PEX10: variants seen among roughly 807,000 people sequenced by gnomAD.
PEX10 encodes the protein peroxisomal biogenesis factor 10, also known as peroxisome biogenesis factor 10.
In PEX10, 32 loss-of-function variants were observed where a neutral mutation model predicts 38.0. The ratio of observed to expected loss-of-function variants is 0.84; its 90% CI spans 0.63 to 1.13. PEX10 has a LOEUF of 1.13. PEX10 is among the 50% of genes most tolerant of loss of function. PEX10 has a pLI of 0.00. For synonymous variants in PEX10, 206 were observed against 207.3 expected, an observed-to-expected ratio of 0.99 and a Z score of 0.05; for missense variants, 483 against 457.7, an observed-to-expected ratio of 1.06 and a Z score of -0.51.
Position 2,406,744 on chromosome 1 carries a change from A to C in PEX10, c.752T>G (p.Leu251Arg). 1 of 1,609,096 alleles carries C rather than the reference A, an allele frequency of 6.2e-7. No homozygotes were observed. The highest frequency in any genetic ancestry group is 8.5e-7 in the Non-Finnish European group (1 of 1,178,422). Residue 251 changes from leucine to arginine, a missense_variant, in exon 4 of 6, where the codon CTG becomes CGG. Physicochemically the swap from Leu to Arg is moderately radical, Grantham distance 102 (BLOSUM62 -2). Transcript: ENST00000447513. ...QRQRARKEWR[L>R]HRGLSHRRAS... The stretch of plus-strand genomic sequence containing the variant: ...CCTGCGGTGAGACAGGCCGCGGTGC[A>C]GCCTCCACTCCTTCCTGGCTCGCTG...
At position 2,407,130 on chromosome 1, in the gene PEX10, T is replaced by C. The variant is rs2494427; in HGVS notation, c.601-235A>G. Among the ~76,000 whole-genome samples, 123,682 of 152,226 alleles carry C rather than the reference T, an allele frequency of 0.81. 51,221 individuals are homozygous for C. Among genetic ancestry groups the C allele is most frequent in the Non-Finnish European group, 0.89 (60,836 of 68,020 alleles). On this transcript the variant is annotated intron_variant, in intron 3 of 5. Coordinates refer to ENST00000447513, the MANE Select transcript of PEX10 (RefSeq NM_002617.4). ...CTGAGCTCCAGACCAGCCTTGGCAT[T>C]ACCAGTGCAGAAAGAGTCTTAGCTA...
chr1:2,405,404 A>G lies in PEX10; in HGVS notation c.*362T>C, dbSNP rs1264455646. The G allele has an allele frequency of 5.0e-6, 2 of 399,164 alleles. No homozygotes were observed. Among genetic ancestry groups the G allele is most frequent in the Non-Finnish European group, 9.6e-6 (2 of 209,162 alleles). The allele number at this position is 399,164 out of a possible 1,614,324, so 24.7% of individuals were successfully genotyped here. A position where few individuals can be genotyped will look rare whatever the true frequency, so the allele number is the denominator to read the frequency against. On this transcript the variant is annotated 3_prime_UTR_variant, in exon 6 of 6. Coordinates refer to ENST00000447513, the MANE Select transcript of PEX10 (RefSeq NM_002617.4). ...ACAAGCCTGATGGGGCTGTTTTCTC[A>G]CAATATAAACGAATAAAGTGTCTTC...
At chr1:2,412,284 G>A in intron 1 of PEX10, 107 bp downstream of exon 1, 2 of 1,248,672 alleles carry the variant, frequency 1.6e-6, no homozygotes, top group Non-Finnish European at 2.0e-6. Flanking sequence ...CCAGGTTGTG[G>A]GACGGGCCCA....
chr1:2,410,473 G>A lies in PEX10; in HGVS notation c.113-22C>T. On this transcript the variant is annotated intron_variant, in intron 1 of 5. Transcript: ENST00000447513. The surrounding 1 kb of genome is among the most constrained non-coding windows in gnomAD (Gnocchi z 5.1). ...GCACCTGAGAGGAGAAACAGTATTA[G>A]TCCGGGGGAGCTGGTGGGCATCCTC... is the stretch of plus-strand genomic sequence containing the variant. The A allele has an allele frequency of 6.2e-7, 1 of 1,609,758 alleles. No homozygotes were observed. Among genetic ancestry groups the A allele is most frequent in the African/African-American group, 1.3e-5 (1 of 74,960 alleles).
At chr1:2,412,953 C>T (rs992857818), upstream of PEX10, among the ~76,000 whole-genome samples, 2 of 152,218 alleles carry the variant, frequency 1.3e-5, no homozygotes, top group African/African-American at 4.8e-5. Flanking sequence ...GGCCCATTTA[C>T]GGCTGGGGAG....
intron 5 of PEX10, 49 bp from the exon 6 acceptor site, chr1:2,405,883 G>T: frequency 7.1e-7 from 1 of 1,414,760 alleles, no homozygotes. Context: ...ACTGGGCCAT[G>T]CCCATCCCCA....
chr1:2,410,857 G>A lies in PEX10; in HGVS notation c.113-406C>T, dbSNP rs745524830. 48 of 459,318 alleles carry A rather than the reference G, an allele frequency of 1.0e-4. No individual in the cohort carries two copies. Among genetic ancestry groups the A allele is most frequent in the Non-Finnish European group, 1.8e-4 (42 of 229,150 alleles). 28.5% of individuals were successfully genotyped at this position (459,318 alleles called of 1,614,324 possible). ...ATCTCAATTTGCTCATCTATCAGAA[G>A]AGTAATAAGTCCTACTTGGAGGGAT... On this transcript the variant is annotated intron_variant, in intron 1 of 5. Coordinates refer to ENST00000447513, the MANE Select transcript of PEX10 (RefSeq NM_002617.4). The surrounding 1 kb of genome is among the most constrained non-coding windows in gnomAD (Gnocchi z 5.1).
chr1:2,411,356 C>G (rs1380052338), intron 1 of PEX10, among the ~76,000 whole-genome samples: 1 of 151,660 alleles, frequency 6.6e-6, no homozygotes, highest in Non-Finnish European at 1.5e-5. Flanking sequence ...TCTCAGCCTC[C>G]CAAGTAGCTG....
At chr1:2,407,979 G>A (rs1436065018) in intron 3 of PEX10, among the ~76,000 whole-genome samples, 1 of 151,948 alleles carries the variant, frequency 6.6e-6, no homozygotes, top group Non-Finnish European at 1.5e-5. Context: ...GGGAGAAGGT[G>A]GGAACGGCCG....
Position 2,406,797 on chromosome 1 carries a change from C to T in PEX10, c.699G>A (p.Gly233=). Reference sequence around the variant, plus strand: ...GCTGCCTGAAACCGTACAGCTGCAGCCCCATGGACAGCACCAGGTGCAGCA... The same window carrying T: ...GCTGCCTGAAACCGTACAGCTGCAGTCCCATGGACAGCACCAGGTGCAGCA... ...ISLLHLVLSM[G]LQLYGFRQRQ... The change falls in exon 4 of 6, where the codon GGG becomes GGA. Residue 233 remains glycine, a synonymous_variant. Coordinates refer to ENST00000447513, the MANE Select transcript of PEX10 (RefSeq NM_002617.4). 1 of 1,610,892 alleles carries T rather than the reference C, an allele frequency of 6.2e-7. No homozygotes were observed. The highest frequency in any genetic ancestry group is 8.5e-7 in the Non-Finnish European group (1 of 1,179,028).
upstream of PEX10, chr1:2,412,571 T>C: frequency 8.6e-7 from 1 of 1,169,398 alleles, no homozygotes; most frequent in South Asian, 2.5e-5. Context: ...CGAGAACTGA[T>C]GACGGCACGA....
At chr1:2,407,871 CATG>C (rs1643061541) in intron 3 of PEX10, among the ~76,000 whole-genome samples, 2 of 152,088 alleles carry the variant, frequency 1.3e-5, no homozygotes, top group South Asian at 2.1e-4. Flanking sequence ...GGCAGGTGGA[CATG>C]GTGGTGGGAC....
chr1:2,404,996 G>C lies in PEX10; in HGVS notation c.*770C>G, dbSNP rs1642949767. ...GGTCGCCTGCCCAGCAGGCCCCCCA[G>C]GAGAGGGCTCGGGCGCCCCTGGCAG... On this transcript the variant is annotated 3_prime_UTR_variant, in exon 6 of 6. Transcript: ENST00000447513. 1 of 155,024 alleles carries C rather than the reference G, an allele frequency of 6.5e-6. No individual in the cohort carries two copies. The highest frequency in any genetic ancestry group is 1.4e-5 in the Non-Finnish European group (1 of 69,626). 9.6% of individuals were successfully genotyped at this position (155,024 alleles called of 1,614,324 possible).
chr1:2,410,432 C>A lies in PEX10; in HGVS notation c.132G>T (p.Glu44Asp). The A allele has an allele frequency of 1.9e-6, 3 of 1,614,120 alleles. No individual in the cohort carries two copies. The change falls in exon 2 of 6, where the codon GAG becomes GAT. Residue 44 changes from glutamate (E) to aspartate (D), a missense_variant. Physicochemically the swap from Glu to Asp is conservative, Grantham distance 45 (BLOSUM62 2). Transcript: ENST00000447513. This position sits in a 1 kb window ranked among gnomAD's most constrained non-coding sequence, Gnocchi z 5.1. ...AGAGCAGCTCAACCTCCTTCCTCCA[C>A]TCCAGCCACTTCCTCGCACCTGAGA... The part of the protein sequence containing the change: ...HSLAGARKWL[E>D]WRKEVELLSD...
At position 2,410,005 on chromosome 1, in the gene PEX10, G is replaced by A. The variant is rs1400886061; in HGVS notation, c.193+366C>T. ...CCCTCTAAAGGGTGGTGACCAGCCT[G>A]GGCCACAGACCCACCACTGCTCCAC... On this transcript the variant is annotated intron_variant, in intron 2 of 5. Coordinates refer to ENST00000447513, the MANE Select transcript of PEX10 (RefSeq NM_002617.4). This position sits in a 1 kb window ranked among gnomAD's most constrained non-coding sequence, Gnocchi z 5.1. The A allele has an allele frequency of 9.2e-6, 3 of 327,462 alleles. No homozygotes were observed. The highest frequency in any genetic ancestry group is 6.4e-5 in the African/African-American group (3 of 46,582). 20.3% of individuals were successfully genotyped at this position (327,462 alleles called of 1,614,324 possible).
In PEX10 at chr1:2,406,937, G is replaced by T. The variant is rs1164836731; in HGVS notation, c.601-42C>A. 6 of 1,594,454 alleles carry T rather than the reference G, an allele frequency of 3.8e-6. No homozygotes were observed. Among genetic ancestry groups the T allele is most frequent in the Non-Finnish European group, 5.1e-6 (6 of 1,170,752 alleles). ...GCCACACTCATCAGGACCCTGAGGGGATCTGGCCTCAGCGCCTGCTGGGAG... is the reference window on the plus strand; with the variant it reads ...GCCACACTCATCAGGACCCTGAGGGTATCTGGCCTCAGCGCCTGCTGGGAG... On this transcript the variant is annotated intron_variant, in intron 3 of 5. Transcript: ENST00000447513.
At position 2,408,772 on chromosome 1, in the gene PEX10, C is replaced by T. The variant is rs142626035; in HGVS notation, c.280G>A (p.Val94Met). The stretch of plus-strand genomic sequence containing the variant: ...AGGACGGCATGCAGTGTCACCAGCA[C>T]GCCACGGCGCAGCGAGGAGGGCACA... Reference protein sequence around the residue: ...IHVPSSLRRGVLVTLHAVLPY... With the variant: ...IHVPSSLRRGMLVTLHAVLPY... The change falls in exon 3 of 6, where the codon GTG becomes ATG. Residue 94 changes from valine to methionine, a missense_variant. Coordinates refer to ENST00000447513, the MANE Select transcript of PEX10 (RefSeq NM_002617.4). 71 of 1,613,786 alleles carry T rather than the reference C, an allele frequency of 4.4e-5. 1 individual carries two copies. In the South Asian group the frequency reaches 5.2e-4, roughly 12 times the overall value.
At position 2,410,210 on chromosome 1, in the gene PEX10, C is replaced by T. The variant is rs1643141324; in HGVS notation, c.193+161G>A. ...GTCGGCTCCCTGCTGGGAGCAGATG[C>T]CTCGCCTCCCTCGGAGCAGTACCTC... On this transcript the variant is annotated intron_variant, in intron 2 of 5. Coordinates refer to ENST00000447513, the MANE Select transcript of PEX10 (RefSeq NM_002617.4). The surrounding 1 kb of genome is among the most constrained non-coding windows in gnomAD (Gnocchi z 5.1). The T allele has an allele frequency of 2.9e-6, 2 of 680,992 alleles. No homozygotes were observed. The highest frequency in any genetic ancestry group is 2.8e-5 in the East Asian group (1 of 35,950). The allele number at this position is 680,992 out of a possible 1,614,324, so 42.2% of individuals were successfully genotyped here. A position where few individuals can be genotyped will look rare whatever the true frequency, so the allele number is the denominator to read the frequency against.
At chr1:2,405,864 G>C (rs928065270) in intron 5 of PEX10, 30 bp from the exon 6 acceptor site, 6 of 1,558,542 alleles carry the variant, frequency 3.8e-6, no homozygotes, top group African/African-American at 2.7e-5. Context: ...GGTCACAGCA[G>C]CTGGGGCCAC....
Sources: gnomAD v4.1 joint callset for allele counts (sites outside exome capture counted in the v4.1 genomes callset) on GRCh38, gnomAD v4.1.1 for gene constraint, Gnocchi (gnomAD v3.1) non-coding constraint, MANE v1.5 for transcripts, NCBI Gene and HGNC (gene_info 2026-07-23, HGNC 2026-07-21) for gene names.